The following TBCD variants were observed in gnomAD, a reference collection of about 807,000 sequenced individuals.
The protein encoded by TBCD is tubulin-specific chaperone D.
TBCD carries 105 observed loss-of-function variants against 169.3 expected under a neutral mutation model. The observed-to-expected ratio is 0.62, with a 90% CI of 0.53 to 0.73. TBCD has a LOEUF of 0.73. TBCD is among the 30% of genes least tolerant of loss of function. The pLI is 0.00. For missense variants in TBCD, 1,444 were observed against 1,600.1 expected, an observed-to-expected ratio of 0.90 and a Z score of 1.66; for synonymous variants, 700 against 643.9, an observed-to-expected ratio of 1.09 and a Z score of -1.32.
Position 82,832,280 on chromosome 17 carries a change from G to T in TBCD, c.1318+17346G>T, listed in dbSNP as rs373307151. 1.9e-6 allele frequency: 3 copies of T among 1,614,086 alleles called. No individual in the cohort carries two copies. The African/African-American group carries it at 4.0e-5, about 22-fold the overall frequency. ...TTAGGGCACTTGGGAACTCGATCCTGCTCTGATACTAAAGTAATCGAGTTT... is the reference window on the plus strand; with the variant it reads ...TTAGGGCACTTGGGAACTCGATCCTTCTCTGATACTAAAGTAATCGAGTTT... On this transcript the variant is annotated intron_variant, in intron 13 of 38. Transcript: ENST00000355528. The surrounding 1 kb of genome is among the most constrained non-coding windows in gnomAD (Gnocchi z 4.9).
intron 13 of TBCD, among the ~76,000 whole-genome samples, chr17:82,824,538 G>A (rs1028965933): frequency 6.6e-6 from 1 of 152,126 alleles, no homozygotes; most frequent in South Asian, 2.1e-4. Context: ...CTGGAGTGCA[G>A]TGGCTATTCA....
chr17:82,845,740 T>TG (rs1221244975), intron 13 of TBCD, among the ~76,000 whole-genome samples: 7 of 152,238 alleles, frequency 4.6e-5, no homozygotes, highest in Non-Finnish European at 1.0e-4. Context: ...CTTTGTGACT[T>TG]GGGGCAGCAA....
At position 82,914,472 on chromosome 17, in the gene TBCD, G is replaced by A. The variant is rs564033655; in HGVS notation, c.2038+2683G>A. On this transcript the variant is annotated intron_variant, in intron 23 of 38. Coordinates refer to ENST00000355528, the MANE Select transcript of TBCD (RefSeq NM_005993.5). ...GCATCCCTGCTCTGGGCCCCCTGCCGGCCTCCAGCTGTGTCTGCACCATGA... is the reference window on the plus strand; with the variant it reads ...GCATCCCTGCTCTGGGCCCCCTGCCAGCCTCCAGCTGTGTCTGCACCATGA... Among the ~76,000 whole-genome samples the A allele has an allele frequency of 1.7e-3, 253 of 152,340 alleles. 2 individuals are homozygous for A. In the Middle Eastern group the frequency reaches 0.017, roughly 10 times the overall value.
At chr17:82,815,548 C>T (rs943357296) in intron 13 of TBCD, among the ~76,000 whole-genome samples, 10 of 152,366 alleles carry the variant, frequency 6.6e-5, no homozygotes, top group Admixed American at 5.9e-4. Context: ...AGGGGCACTG[C>T]CCCAGACCAG....
rs2063609270 is a variant in TBCD at position 82,945,231 on chromosome 17, C to T, written c.*2768C>T. Reference sequence around the variant, plus strand: ...AGAGAGAATTAGAAAACTGGAAGATCTGAAAACATTATCCAGAGAACTGGA... The same window carrying T: ...AGAGAGAATTAGAAAACTGGAAGATTTGAAAACATTATCCAGAGAACTGGA... On this transcript the variant is annotated 3_prime_UTR_variant, in exon 39 of 39. Coordinates refer to ENST00000355528, the MANE Select transcript of TBCD (RefSeq NM_005993.5). 1 of 152,192 alleles carries T rather than the reference C, an allele frequency of 6.6e-6. No homozygotes were observed. 9.4% of individuals were successfully genotyped at this position (152,192 alleles called of 1,614,324 possible).
chr17:82,930,163 G>A lies in TBCD; in HGVS notation c.2992-359G>A, dbSNP rs1350495785. 5 of 301,596 alleles carry A rather than the reference G, an allele frequency of 1.7e-5. No individual in the cohort carries two copies. The highest frequency in any genetic ancestry group is 8.1e-5 in the East Asian group (1 of 12,344). The allele number at this position is 301,596 out of a possible 1,614,324, so 18.7% of individuals were successfully genotyped here. A position where few individuals can be genotyped will look rare whatever the true frequency, so the allele number is the denominator to read the frequency against. On this transcript the variant is annotated intron_variant, in intron 32 of 38. Transcript: ENST00000355528. The surrounding 1 kb of genome is among the most constrained non-coding windows in gnomAD (Gnocchi z 5.2). ...GGGGAGACCCGGGCCACATGCGAGC[G>A]GGGCCCCGAGACATTCTGCACTCGG...
At chr17:82,763,565 A>G (rs975418093) in intron 2 of TBCD, among the ~76,000 whole-genome samples, 22 of 151,716 alleles carry the variant, frequency 1.5e-4, no homozygotes, top group African/African-American at 5.1e-4. Context: ...ACATGGTGAA[A>G]CCCCGTCTCT....
intron 14 of TBCD, among the ~76,000 whole-genome samples, chr17:82,882,880 C>T (rs2058459333): frequency 6.6e-6 from 1 of 152,094 alleles, no homozygotes; most frequent in Admixed American, 6.5e-5. Flanking sequence ...CACACACGCC[C>T]CGGAAGTCAG....
In TBCD at chr17:82,804,030, G is replaced by T. The variant is rs1317420701; in HGVS notation, c.951-1845G>T. Among the ~76,000 whole-genome samples the T allele has an allele frequency of 1.4e-5, 2 of 144,922 alleles. 1 individual carries two copies. ...GGGCCGGGGTGCACCTGCCTGTGGG[G>T]CGTTAGCGGGGAGTGGGGGCCGGGG... On this transcript the variant is annotated intron_variant, in intron 9 of 38. Coordinates refer to ENST00000355528, the MANE Select transcript of TBCD (RefSeq NM_005993.5).
In TBCD at chr17:82,941,412, G is replaced by A. The variant is rs1326695955; in HGVS notation, c.3493G>A (p.Ala1165Thr). 6.3e-7 allele frequency: 1 copy of A among 1,597,000 alleles called. No individual in the cohort carries two copies. Among genetic ancestry groups the A allele is most frequent in the South Asian group, 1.1e-5 (1 of 88,854 alleles). ...LSDTAWDAEL[A>T]VVREQRNRLC... The stretch of plus-strand genomic sequence containing the variant: ...CTCTCCTCACAGGGACGCGGAGCTT[G>A]CAGTGGTGAGAGAGCAGCGCAACCG... The change falls in exon 38 of 39, where the codon GCA (alanine) becomes ACA (threonine). Residue 1165 changes from alanine to threonine, a missense_variant. Coordinates refer to ENST00000355528, the MANE Select transcript of TBCD (RefSeq NM_005993.5).
intron 9 of TBCD, among the ~76,000 whole-genome samples, chr17:82,802,256 C>A (rs1006243113): frequency 6.6e-6 from 1 of 151,454 alleles, no homozygotes; most frequent in African/African-American, 2.4e-5. Flanking sequence ...GTGTTAGCGA[C>A]CTTCAGTTTG....
chr17:82,904,807 G>A (rs953770750), intron 19 of TBCD, among the ~76,000 whole-genome samples: 1 of 152,112 alleles, frequency 6.6e-6, no homozygotes, highest in Non-Finnish European at 1.5e-5. Context: ...TCCACGTCAC[G>A]GGTTTAGTGT....
At chr17:82,910,723 G>A (rs1025608792) in intron 22 of TBCD, among the ~76,000 whole-genome samples, 1 of 151,996 alleles carries the variant, frequency 6.6e-6, no homozygotes, top group African/African-American at 2.4e-5. Flanking sequence ...CCCCCATCAT[G>A]CCCACCTAAT....
intron 8 of TBCD, among the ~76,000 whole-genome samples, chr17:82,800,038 G>A (rs1368291123): frequency 8.7e-6 from 1 of 114,372 alleles, no homozygotes; most frequent in Non-Finnish European, 1.8e-5. Flanking sequence ...CTCTGTCCCC[G>A]CCCCACTGCC....
intron 15 of TBCD, among the ~76,000 whole-genome samples, chr17:82,887,039 G>A (rs7213533): frequency 1 from 151,893 of 151,970 alleles, 75,908 homozygotes; most frequent in Middle Eastern, 1. Flanking sequence ...CCTCCATGAT[G>A]AAATCTGGCA....
intron 11 of TBCD, 80 bp downstream of exon 11, chr17:82,807,748 C>A: frequency 1.7e-6 from 2 of 1,203,298 alleles, no homozygotes; most frequent in Non-Finnish European, 2.2e-6. Context: ...AAATACCCAA[C>A]AGCTTTGGAG....
Position 82,833,108 on chromosome 17 carries a change from G to T in TBCD, c.1318+18174G>T, listed in dbSNP as rs915865164. On this transcript the variant is annotated intron_variant, in intron 13 of 38. Coordinates refer to ENST00000355528, the MANE Select transcript of TBCD (RefSeq NM_005993.5). The surrounding 1 kb of genome is among the most constrained non-coding windows in gnomAD (Gnocchi z 4.7). ...GCTTGAAGCAGTGGGTGTGTGATCG[G>T]CCACACTCTCACGTGAAATACGAAG... Among the ~76,000 whole-genome samples, 1 of 152,056 alleles carries T rather than the reference G, an allele frequency of 6.6e-6. No homozygotes were observed. The highest frequency in any genetic ancestry group is 6.5e-5 in the Admixed American group (1 of 15,274).
At chr17:82,899,835 G>A (rs1211153321) in intron 17 of TBCD, among the ~76,000 whole-genome samples, 1 of 152,168 alleles carries the variant, frequency 6.6e-6, no homozygotes, top group Non-Finnish European at 1.5e-5. Flanking sequence ...TGGGGGTAAC[G>A]ATTTAACAAT....
intron 8 of TBCD, among the ~76,000 whole-genome samples, chr17:82,798,111 G>A (rs2050241246): frequency 6.6e-6 from 1 of 150,794 alleles, no homozygotes; most frequent in African/African-American, 2.4e-5. Flanking sequence ...CGAGTAGCTG[G>A]GACTACAGGT....
Sources: gnomAD v4.1 joint callset for allele counts (sites outside exome capture counted in the v4.1 genomes callset) on GRCh38, gnomAD v4.1.1 for gene constraint, Gnocchi (gnomAD v3.1) non-coding constraint, MANE v1.5 for transcripts, NCBI Gene and HGNC (gene_info 2026-07-23, HGNC 2026-07-21) for gene names.